GLCE: variants seen among roughly 807,000 people sequenced by gnomAD.
GLCE encodes the protein glucuronic acid epimerase.
In GLCE, 19 loss-of-function variants were observed where a neutral mutation model predicts 47.9. The ratio of observed to expected loss-of-function variants is 0.40; its 90% CI spans 0.28 to 0.58. The LOEUF (loss-of-function observed/expected upper bound fraction) is 0.58. Among genes scored for constraint, GLCE ranks in the 20% least tolerant of loss-of-function variants. The probability of loss-of-function intolerance (pLI) is 0.48; values close to 1 mark genes in which losing one functional copy is unlikely to be tolerated. For missense variants in GLCE, 556 were observed against 743.3 expected (o/e 0.75, Z 2.93); for synonymous variants, 245 against 263.4 (o/e 0.93, Z 0.68).
At position 69,186,017 on chromosome 15, in the gene GLCE, T is replaced by C. The variant is rs544038062; in HGVS notation, c.-104-24299T>C. On this transcript the variant is annotated intron_variant, in intron 1 of 4. Transcript: ENST00000261858. ...ACCTTTAGTGGTTTATTATAAAGGA[T>C]ATATGTAGAGGATACAGATGAAGCG... Among the ~76,000 whole-genome samples the C allele has an allele frequency of 2.0e-4, 30 of 152,212 alleles. No individual in the cohort carries two copies. In the South Asian group the frequency reaches 6.2e-3, roughly 32 times the overall value.
intron 1 of GLCE, among the ~76,000 whole-genome samples, chr15:69,166,160 G>A (rs2051498207): frequency 6.6e-6 from 1 of 152,216 alleles, no homozygotes. Context: ...AGTAGCTGAT[G>A]TATGCAGGTT....
intron 2 of GLCE, among the ~76,000 whole-genome samples, chr15:69,250,623 T>A (rs1423984223): frequency 1.3e-5 from 2 of 151,916 alleles, no homozygotes; most frequent in Non-Finnish European, 2.9e-5. Flanking sequence ...CAGCCTGGGC[T>A]GGTTCGTCCC....
intron 4 of GLCE, among the ~76,000 whole-genome samples, chr15:69,268,017 C>G (rs1595794142): frequency 6.6e-6 from 1 of 152,234 alleles, no homozygotes; most frequent in East Asian, 1.9e-4. Context: ...GCCTGATGCT[C>G]ACAAGCCATC....
rs547135920 is a variant in GLCE at position 69,169,342 on chromosome 15, G to A, written c.-105+8585G>A. 1.1e-4 allele frequency among the ~76,000 whole-genome samples: 16 copies of A among 152,120 alleles called. 1 individual carries two copies. The South Asian group carries it at 1.2e-3, about 12-fold the overall frequency. On this transcript the variant is annotated intron_variant, in intron 1 of 4. Coordinates refer to ENST00000261858, the MANE Select transcript of GLCE (RefSeq NM_015554.3). ...ATAAAAATTCATTTTTTGGCAAAGC[G>A]CTTCATTTAAATATATAATAAAACA...
chr15:69,185,579 T>C lies in GLCE; in HGVS notation c.-104-24737T>C, dbSNP rs930839080. On this transcript the variant is annotated intron_variant, in intron 1 of 4. Transcript: ENST00000261858. ...GCTTCTCTGTAAGCCTGGAGAGAAC[T>C]ACCTGTCTTCTCATCAAGTTGTTTT... Among the ~76,000 whole-genome samples the C allele has an allele frequency of 6.6e-5, 10 of 152,164 alleles. No homozygotes were observed. The East Asian group carries it at 1.5e-3, about 24-fold the overall frequency.
At chr15:69,254,174 T>C (rs1231322499) in intron 2 of GLCE, among the ~76,000 whole-genome samples, 1 of 152,202 alleles carries the variant, frequency 6.6e-6, no homozygotes, top group African/African-American at 2.4e-5. Context: ...TACAATAAAT[T>C]ACAGAGCTCC....
intron 1 of GLCE, among the ~76,000 whole-genome samples, chr15:69,179,184 G>T (rs1479371950): frequency 6.6e-6 from 1 of 152,212 alleles, no homozygotes; most frequent in Non-Finnish European, 1.5e-5. Context: ...GGGACCAGGA[G>T]ATTGGAAATC....
chr15:69,264,394 G>A (rs937019292), intron 4 of GLCE, among the ~76,000 whole-genome samples: 13 of 151,930 alleles, frequency 8.6e-5, no homozygotes, highest in Middle Eastern at 3.4e-3. Flanking sequence ...GTGTGTGCAC[G>A]TGCACACACA....
intron 2 of GLCE, among the ~76,000 whole-genome samples, chr15:69,246,242 A>G (rs1373310180): frequency 2.6e-5 from 4 of 152,190 alleles, no homozygotes; most frequent in South Asian, 2.1e-4. Context: ...GTGGGAATCA[A>G]CTTACAAACT....
At chr15:69,243,710 GA>G (rs200786407) in intron 2 of GLCE, among the ~76,000 whole-genome samples, 67 of 146,336 alleles carry the variant, frequency 4.6e-4, no homozygotes, top group African/African-American at 7.5e-4. Flanking sequence ...AAACTAAGTA[GA>G]AAAAAAAAAG....
intron 2 of GLCE, among the ~76,000 whole-genome samples, chr15:69,252,330 G>A (rs2052856552): frequency 6.6e-6 from 1 of 152,196 alleles, no homozygotes; most frequent in Non-Finnish European, 1.5e-5. Context: ...CATCCACTCA[G>A]CTTCTGGGGA....
intron 1 of GLCE, among the ~76,000 whole-genome samples, chr15:69,192,822 C>T (rs552890095): frequency 7.2e-5 from 11 of 152,202 alleles, no homozygotes; most frequent in Non-Finnish European, 1.3e-4. Flanking sequence ...CATGGCTGCC[C>T]TGCTATTCAG....
intron 4 of GLCE, among the ~76,000 whole-genome samples, chr15:69,261,937 C>T (rs1250290772): frequency 6.6e-6 from 1 of 152,102 alleles, no homozygotes; most frequent in African/African-American, 2.4e-5. Context: ...AATGCATTTT[C>T]CTGCACTAAT....
At chr15:69,172,484 T>G (rs1320967894) in intron 1 of GLCE, among the ~76,000 whole-genome samples, 3 of 152,228 alleles carry the variant, frequency 2.0e-5, no homozygotes, top group Non-Finnish European at 4.4e-5. Context: ...TATTGGATTT[T>G]AAATTACGTG....
chr15:69,171,855 A>G (rs1261468133), intron 1 of GLCE, among the ~76,000 whole-genome samples: 1 of 152,232 alleles, frequency 6.6e-6, no homozygotes, highest in Non-Finnish European at 1.5e-5. Context: ...AGGATAGATT[A>G]TAAAGCTCTA....
intron 2 of GLCE, among the ~76,000 whole-genome samples, chr15:69,216,261 A>G (rs1200307490): frequency 6.6e-6 from 1 of 152,152 alleles, no homozygotes; most frequent in Non-Finnish European, 1.5e-5. Flanking sequence ...AATAAATTTT[A>G]GAGTCTTTGG....
rs1218247269 is a variant in GLCE at position 69,268,760 on chromosome 15, C to T, written c.1370C>T (p.Ala457Val). 1 of 1,614,078 alleles carries T rather than the reference C, an allele frequency of 6.2e-7. No homozygotes were observed. Residue 457 changes from alanine to valine, a missense_variant, in exon 5 of 5, where the codon GCC (alanine) becomes GTC (valine). Ala to Val is a moderately conservative substitution (Grantham distance 64, BLOSUM62 0). Around this residue, in one of 3 missense-constraint regions of GLCE, gnomAD observed 245 missense variants for 368.1 expected, o/e 0.67. Transcript: ENST00000261858. ...QGQAISTLVR[A>V]YLLTKDHIFL... Reference sequence around the variant, plus strand: ...CAAGCCATTTCTACATTAGTCAGGGCCTATCTGTTAACAAAAGACCATATA... The same window carrying T: ...CAAGCCATTTCTACATTAGTCAGGGTCTATCTGTTAACAAAAGACCATATA...
chr15:69,205,017 T>G (rs982325107), intron 1 of GLCE, among the ~76,000 whole-genome samples: 2 of 152,124 alleles, frequency 1.3e-5, no homozygotes, highest in Admixed American at 1.3e-4. Flanking sequence ...TTTTTTTAAA[T>G]GAACATGCAG....
At chr15:69,263,554 T>C (rs986905093) in intron 4 of GLCE, among the ~76,000 whole-genome samples, 4 of 152,196 alleles carry the variant, frequency 2.6e-5, no homozygotes, top group Non-Finnish European at 5.9e-5. Context: ...AATAATGTTT[T>C]ATTCCTTTTT....
Sources: gnomAD v4.1 joint callset for allele counts (sites outside exome capture counted in the v4.1 genomes callset) on GRCh38, gnomAD v4.1.1 for gene constraint, gnomAD v4.1.1 regional missense constraint, MANE v1.5 for transcripts, NCBI Gene and HGNC (gene_info 2026-07-23, HGNC 2026-07-21) for gene names.